Variants in CREB5 observed in about 807,000 individuals in gnomAD.
CREB5 encodes cAMP responsive element binding protein 5, also known as cyclic AMP-responsive element-binding protein 5.
In CREB5, 19 loss-of-function variants were observed where a neutral mutation model predicts 57.1. The observed-to-expected ratio is 0.33, with a 90% CI of 0.23 to 0.49. The LOEUF is 0.49. Among genes scored for constraint, CREB5 ranks in the 20% least tolerant of loss-of-function variants. The pLI is 0.99. For missense variants in CREB5, 579 were observed against 671.6 expected, an observed-to-expected ratio of 0.86 and a Z score of 1.52; for synonymous variants, 238 against 238.3, an observed-to-expected ratio of 1.00 and a Z score of 0.01.
intron 1 of CREB5, among the ~76,000 whole-genome samples, chr7:28,431,296 G>A (rs1788704057): frequency 6.6e-6 from 1 of 152,204 alleles, no homozygotes; most frequent in Non-Finnish European, 1.5e-5. Flanking sequence ...AAGACTGCCT[G>A]CCACAGCAAT....
At position 28,544,339 on chromosome 7, in the gene CREB5, T is replaced by C. The variant is rs535412946; in HGVS notation, c.292-26026T>C. Among the ~76,000 whole-genome samples, 14 of 152,330 alleles carry C rather than the reference T, an allele frequency of 9.2e-5. 1 individual carries two copies. Among genetic ancestry groups the C allele is most frequent in the African/African-American group, 3.1e-4 (13 of 41,580 alleles). ...GAGGCTGGCTACGTGAGGCTGTCAA[T>C]GAATTGCCGAATTTGGAAGAAAAGT... is the stretch of plus-strand genomic sequence containing the variant. On this transcript the variant is annotated intron_variant, in intron 4 of 10. Transcript: ENST00000357727.
intron 7 of CREB5, among the ~76,000 whole-genome samples, chr7:28,732,606 A>G (rs1168737876): frequency 6.6e-6 from 1 of 152,150 alleles, no homozygotes; most frequent in African/African-American, 2.4e-5. Context: ...TGCTTTGCAG[A>G]GATATATTTT....
At chr7:28,442,422 TG>T (rs1487598869) in intron 1 of CREB5, among the ~76,000 whole-genome samples, 2 of 152,224 alleles carry the variant, frequency 1.3e-5, no homozygotes, top group African/African-American at 4.8e-5. Flanking sequence ...GGTGTCCCTT[TG>T]GTATACTGAT....
At chr7:28,548,820 G>T (rs1042038689) in intron 4 of CREB5, among the ~76,000 whole-genome samples, 2 of 152,114 alleles carry the variant, frequency 1.3e-5, no homozygotes, top group African/African-American at 4.8e-5. Flanking sequence ...TAGATCAGAG[G>T]TTCTCAAACT....
chr7:28,440,412 A>G (rs1417132211), intron 1 of CREB5, among the ~76,000 whole-genome samples: 1 of 152,146 alleles, frequency 6.6e-6, no homozygotes, highest in Non-Finnish European at 1.5e-5. Context: ...CCTTAAATTA[A>G]GGGCTTCAGT....
chr7:28,794,544 A>G (rs912176830), intron 7 of CREB5, among the ~76,000 whole-genome samples: 3 of 152,240 alleles, frequency 2.0e-5, no homozygotes, highest in Non-Finnish European at 2.9e-5. Context: ...AGGTCATGAC[A>G]TAATGCTTAA....
intron 1 of CREB5, among the ~76,000 whole-genome samples, chr7:28,467,726 G>A (rs1489458268): frequency 6.6e-6 from 1 of 152,128 alleles, no homozygotes; most frequent in East Asian, 1.9e-4. Context: ...TAACAGAAAA[G>A]CCATCATCTA....
chr7:28,480,034 C>G (rs114066291), intron 1 of CREB5, among the ~76,000 whole-genome samples: 24,101 of 151,628 alleles, frequency 0.16, 2,050 homozygotes, highest in Non-Finnish European at 0.18. Context: ...CTCCCCCCCC[C>G]CACATTATCC....
rs1314317818 is a variant in CREB5, at chr7:28,560,891, T to TGCGC, written c.292-9473_292-9472insCGCG. Among the ~76,000 whole-genome samples the TGCGC allele has an allele frequency of 2.5e-3, 49 of 19,726 alleles. 4 individuals are homozygous for TGCGC. Among genetic ancestry groups the TGCGC allele is most frequent in the Admixed American group, 5.3e-3 (10 of 1,898 alleles). The allele number at this position is 19,726 out of a possible 152,430, so 12.9% of individuals were successfully genotyped here. A position where few individuals can be genotyped will look rare whatever the true frequency, so the allele number is the denominator to read the frequency against. ...CTGCGTGCGCGTGCGTGCGTGCGTG[T>TGCGC]GTGTGCGTGCGCGCGTGCGTGTGCG... On this transcript the variant is annotated intron_variant, in intron 4 of 10. Transcript: ENST00000357727.
intron 1 of CREB5, among the ~76,000 whole-genome samples, chr7:28,357,067 T>C (rs1786360918): frequency 6.6e-6 from 1 of 151,864 alleles, no homozygotes; most frequent in Non-Finnish European, 1.5e-5. Flanking sequence ...TCTTTCTTTT[T>C]TCCCTGCATC....
intron 7 of CREB5, among the ~76,000 whole-genome samples, chr7:28,779,414 A>T (rs1806845233): frequency 1.3e-5 from 2 of 152,172 alleles, no homozygotes; most frequent in African/African-American, 4.8e-5. Context: ...TTCTTAGATA[A>T]AGGAGAAGGG....
At chr7:28,560,831 C>CGTGCGT (rs1562797049) in intron 4 of CREB5, among the ~76,000 whole-genome samples, 1 of 58,896 alleles carries the variant, frequency 1.7e-5, no homozygotes, top group Non-Finnish European at 3.5e-5. Flanking sequence ...TGCGCGCGCG[C>CGTGCGT]GCGTGTGTGT....
At chr7:28,765,845 G>A (rs559997502) in intron 7 of CREB5, among the ~76,000 whole-genome samples, 2 of 152,296 alleles carry the variant, frequency 1.3e-5, no homozygotes, top group Admixed American at 6.5e-5. Flanking sequence ...CATGCCTCGA[G>A]CCTGCTCTCT....
intron 1 of CREB5, among the ~76,000 whole-genome samples, chr7:28,381,702 A>T (rs1022240070): frequency 1.3e-5 from 2 of 152,180 alleles, no homozygotes. Flanking sequence ...CCCTGATAAA[A>T]TTGGAATTTT....
intron 5 of CREB5, among the ~76,000 whole-genome samples, chr7:28,616,166 A>G (rs752925576): frequency 1.4e-4 from 22 of 152,148 alleles, no homozygotes; most frequent in Non-Finnish European, 2.8e-4. Flanking sequence ...ATTTAGAGTC[A>G]AGTTCAAATT....
intron 4 of CREB5, among the ~76,000 whole-genome samples, chr7:28,508,518 TA>T (rs1792575749): frequency 6.6e-6 from 1 of 152,246 alleles, no homozygotes; most frequent in South Asian, 2.1e-4. Flanking sequence ...AGTTAGGTAG[TA>T]ATGAATTCTG....
At chr7:28,442,215 T>C (rs1789219737) in intron 1 of CREB5, among the ~76,000 whole-genome samples, 1 of 152,202 alleles carries the variant, frequency 6.6e-6, no homozygotes, top group South Asian at 2.1e-4. Context: ...GTGCCTGACT[T>C]ATTTTGTTTA....
intron 1 of CREB5, among the ~76,000 whole-genome samples, chr7:28,475,414 G>T (rs1331093274): frequency 3.3e-5 from 5 of 150,572 alleles, no homozygotes; most frequent in Non-Finnish European, 7.4e-5. Flanking sequence ...CTATTTTTTA[G>T]AAAAAGTAGC....
At chr7:28,404,038 G>A (rs6959788) in intron 1 of CREB5, among the ~76,000 whole-genome samples, 4,570 of 152,096 alleles carry the variant, frequency 0.03, 230 homozygotes, top group African/African-American at 0.1. Context: ...GTCATGGCCC[G>A]TACATACATA....
Sources: allele counts gnomAD v4.1 joint callset (sites outside exome capture counted in the v4.1 genomes callset), GRCh38; gene constraint gnomAD v4.1.1; transcripts MANE v1.5; gene names NCBI Gene and HGNC (gene_info 2026-07-23, HGNC 2026-07-21).